SERPINB6: variants seen among roughly 807,000 people sequenced by gnomAD.
The protein encoded by SERPINB6 is serpin B6.
In SERPINB6, 16 loss-of-function variants were observed where a neutral mutation model predicts 26.1. The observed-to-expected ratio is 0.61, with a 90% confidence interval of 0.42 to 0.93. The LOEUF is 0.93. Ranked by LOEUF, SERPINB6 falls within the 40% of genes least tolerant of loss-of-function variation. The pLI is 0.00. For synonymous variants in SERPINB6, 174 were observed against 176.6 expected, an observed-to-expected ratio of 0.99 and a Z score of 0.11; for missense variants, 420 against 478.0, an observed-to-expected ratio of 0.88 and a Z score of 1.13.
chr6:2,970,574 G>C, intron 1 of SERPINB6: 15 of 1,210,884 alleles, frequency 1.2e-5, no homozygotes, highest in Non-Finnish European at 1.5e-5. Context: ...GGCAGCTGCA[G>C]GGCTGTCATT....
intron 1 of SERPINB6, chr6:2,969,761 AGT>A: frequency 1.1e-6 from 1 of 923,618 alleles, no homozygotes; most frequent in Non-Finnish European, 1.2e-6. Flanking sequence ...TTCCTTGTGC[AGT>A]GTGTATGTGT....
chr6:2,969,918 C>T (rs1169276632), intron 1 of SERPINB6: 4 of 752,492 alleles, frequency 5.3e-6, no homozygotes, highest in Non-Finnish European at 6.5e-6. Context: ...GGGCAGATCA[C>T]GAGGTCAGGA....
At chr6:2,953,008 A>G (rs772200461) in intron 5 of SERPINB6, 36 bp downstream of exon 5, 1 of 1,613,654 alleles carries the variant, frequency 6.2e-7, no homozygotes, top group Non-Finnish European at 8.5e-7. Flanking sequence ...GCTCGTGTGA[A>G]CACAGGCGCT....
At chr6:2,958,586 C>T (rs958567599) in intron 2 of SERPINB6, among the ~76,000 whole-genome samples, 10 of 151,616 alleles carry the variant, frequency 6.6e-5, no homozygotes, top group East Asian at 5.8e-4. Flanking sequence ...GAGAAGGCCA[C>T]GGAGAAGACG....
intron 1 of SERPINB6, chr6:2,962,188 G>A (rs538557277): frequency 9.1e-6 from 9 of 985,470 alleles, no homozygotes; most frequent in Admixed American, 6.1e-5. Flanking sequence ...CACTGGGGAG[G>A]TGCCTGTCTG....
Position 2,948,751 on chromosome 6 carries a change from G to C in SERPINB6, c.730-52C>G, listed in dbSNP as rs766377044. ...AGACCCAGGGTGCTGCTGCCCAGCA[G>C]GGCCCTGTGCTATGCTGTGGATGCC... On this transcript the variant is annotated intron_variant, in intron 6 of 6. Transcript: ENST00000380539. This position sits in a 1 kb window ranked among gnomAD's most constrained non-coding sequence, Gnocchi z 5.0. The C allele has an allele frequency of 6.3e-7, 1 of 1,584,610 alleles. No individual in the cohort carries two copies.
chr6:2,950,349 A>G (rs1019952734), intron 5 of SERPINB6, among the ~76,000 whole-genome samples: 1 of 152,084 alleles, frequency 6.6e-6, no homozygotes, highest in Non-Finnish European at 1.5e-5. Context: ...CCTGGCCAAC[A>G]TGGTGAAACC....
At chr6:2,949,927 G>A (rs532229660) in intron 5 of SERPINB6, among the ~76,000 whole-genome samples, 8 of 152,078 alleles carry the variant, frequency 5.3e-5, no homozygotes, top group Non-Finnish European at 7.4e-5. Flanking sequence ...TCATCTCTAC[G>A]CAGTAAGCTT....
At chr6:2,969,427 T>C (rs1037920322) in intron 1 of SERPINB6, 17 of 965,164 alleles carry the variant, frequency 1.8e-5, no homozygotes, top group South Asian at 4.8e-5. Flanking sequence ...TTAAAAACTA[T>C]ACCATTTAAA....
At position 2,949,084 on chromosome 6, in the gene SERPINB6, G is replaced by A. The variant is rs756940130; in HGVS notation, c.574-15C>T. 4.2e-5 allele frequency: 67 copies of A among 1,613,286 alleles called. No homozygotes were observed. Among genetic ancestry groups the A allele is most frequent in the Non-Finnish European group, 5.2e-5 (61 of 1,179,826 alleles). On this transcript the variant is annotated splice_polypyrimidine_tract_variant and intron_variant, in intron 5 of 6. Transcript: ENST00000380539. The stretch of plus-strand genomic sequence containing the variant: ...TTCTCCTCATTCTACAAAGAAAACA[G>A]ATAAACATCAAGTTGAAACAAGACC...
At chr6:2,968,631 G>C (rs967395453) in intron 1 of SERPINB6, 2 of 1,221,736 alleles carry the variant, frequency 1.6e-6, no homozygotes, top group African/African-American at 3.1e-5. Context: ...GCCTATCTCT[G>C]GGGTCCTTTT....
chr6:2,954,012 A>T (rs1247908472), intron 4 of SERPINB6, among the ~76,000 whole-genome samples: 1 of 152,040 alleles, frequency 6.6e-6, no homozygotes, highest in Non-Finnish European at 1.5e-5. Context: ...CCTGGGCAAT[A>T]AGAGCAAAAC....
chr6:2,956,244 A>G (rs1187294889), intron 2 of SERPINB6: 1 of 155,330 alleles, frequency 6.4e-6, no homozygotes, highest in Non-Finnish European at 1.4e-5. Context: ...CCTCCTGTCT[A>G]TACAAACACA....
intron 4 of SERPINB6, among the ~76,000 whole-genome samples, chr6:2,953,536 T>C (rs6924316): frequency 0.3 from 45,435 of 152,100 alleles, 7,428 homozygotes; most frequent in East Asian, 0.5. Context: ...TTTACAAGCT[T>C]AAAGAACAGT....
At chr6:2,971,389 C>T (rs975715452) in intron 1 of SERPINB6, 144 bp downstream of exon 1, 3 of 172,778 alleles carry the variant, frequency 1.7e-5, no homozygotes, top group Non-Finnish European at 3.4e-5. Flanking sequence ...TCCAGCGTCC[C>T]CGCGCGCCGT....
In SERPINB6 at chr6:2,948,325, G is replaced by A. The variant is rs759291555; in HGVS notation, c.1104C>T (p.Leu368=). The A allele has an allele frequency of 6.2e-7, 1 of 1,614,050 alleles. No individual in the cohort carries two copies. Among genetic ancestry groups the A allele is most frequent in the South Asian group, 1.1e-5 (1 of 91,080 alleles). Residue 368 remains leucine, a synonymous_variant, in exon 7 of 7, where the codon CTC becomes CTT. Transcript: ENST00000380539. This position sits in a 1 kb window ranked among gnomAD's most constrained non-coding sequence, Gnocchi z 5.0. ...FIQHSKTNGI[L]FCGRFSSP ...ACGGAGAGGAAAAGCGGCCGCAGAA[G>A]AGAATCCCGTTGGTCTTGCTGTGCT...
chr6:2,949,566 CTG>C (rs1281224257), intron 5 of SERPINB6, among the ~76,000 whole-genome samples: 3 of 152,222 alleles, frequency 2.0e-5, no homozygotes, highest in Admixed American at 6.5e-5. Flanking sequence ...CTCTCACACC[CTG>C]TGTCTGACTC....
At chr6:2,955,487 T>G in intron 3 of SERPINB6, 37 bp downstream of exon 3, 1 of 1,613,862 alleles carries the variant, frequency 6.2e-7, no homozygotes, top group Non-Finnish European at 8.5e-7. Context: ...CCTGGCCACC[T>G]TTATTTCTTT....
intron 1 of SERPINB6, chr6:2,970,383 T>C: frequency 9.9e-7 from 1 of 1,010,496 alleles, no homozygotes; most frequent in African/African-American, 1.7e-5. Context: ...ATGCAATTAC[T>C]CAGATACGGT....
Sources: gnomAD v4.1 joint callset for allele counts (sites outside exome capture counted in the v4.1 genomes callset) on GRCh38, gnomAD v4.1.1 for gene constraint, Gnocchi (gnomAD v3.1) non-coding constraint, MANE v1.5 for transcripts, NCBI Gene and HGNC (gene_info 2026-07-23, HGNC 2026-07-21) for gene names.